Variants in ZNF569 observed in about 807,000 individuals in gnomAD.
ZNF569 encodes the protein zinc finger protein 569.
ZNF569 carries 38 observed loss-of-function variants against 56.3 expected under a neutral mutation model. The ratio of observed to expected loss-of-function variants is 0.68; its 90% CI spans 0.52 to 0.88. The LOEUF (loss-of-function observed/expected upper bound fraction) is 0.88, where lower values mean the gene tolerates loss of function less well. Ranked by LOEUF, ZNF569 falls within the 40% of genes least tolerant of loss-of-function variation. ZNF569 has a pLI of 0.00. For missense variants in ZNF569, 666 were observed against 809.2 expected (o/e 0.82, Z 2.15); for synonymous variants, 241 against 262.9 (o/e 0.92, Z 0.81).
intron 2 of ZNF569, among the ~76,000 whole-genome samples, chr19:37,464,155 C>CAA (rs1289290721): frequency 6.6e-6 from 1 of 152,054 alleles, no homozygotes; most frequent in Non-Finnish European, 1.5e-5. Flanking sequence ...CACACACACA[C>CAA]AAAATATATA....
intron 2 of ZNF569, among the ~76,000 whole-genome samples, chr19:37,456,840 C>A (rs535622197): frequency 2.0e-5 from 3 of 151,784 alleles, no homozygotes; most frequent in South Asian, 4.2e-4. Flanking sequence ...TGGTGGCAGG[C>A]GCCTGTAATC....
chr19:37,411,880 A>G lies in ZNF569; in HGVS notation c.*717T>C, dbSNP rs2040845862. 1 of 152,158 alleles carries G rather than the reference A, an allele frequency of 6.6e-6. No homozygotes were observed. The highest frequency in any genetic ancestry group is 2.1e-4 in the South Asian group (1 of 4,834). The allele number at this position is 152,158 out of a possible 1,614,324, so 9.4% of individuals were successfully genotyped here. A position where few individuals can be genotyped will look rare whatever the true frequency, so the allele number is the denominator to read the frequency against. The stretch of plus-strand genomic sequence containing the variant: ...GCTTGATTTATTCACTTGGTAATAC[A>G]TTGTTTAAATGACAGCAGCTTTAAA... On this transcript the variant is annotated 3_prime_UTR_variant, in exon 6 of 6. Coordinates refer to ENST00000316950, the MANE Select transcript of ZNF569 (RefSeq NM_152484.3).
Position 37,426,373 on chromosome 19 carries a change from T to TG in ZNF569, c.20dup (p.Val8SerfsTer35). Reference sequence around the variant, plus strand: ...CGATAGCCACATCTTTGAATGTTACTGTTCCCTGTAACAACACACTCCCAC... The same window carrying TG: ...CGATAGCCACATCTTTGAATGTTACTGGTTCCCTGTAACAACACACTCCCAC... On this transcript the variant is annotated frameshift_variant, in exon 4 of 6. Transcript: ENST00000316950. LOFTEE classifies it high-confidence loss of function. The TG allele has an allele frequency of 6.2e-7, 1 of 1,605,212 alleles. No individual in the cohort carries two copies. Among genetic ancestry groups the TG allele is most frequent in the Non-Finnish European group, 8.5e-7 (1 of 1,176,866 alleles).
At position 37,444,967 on chromosome 19, in the gene ZNF569, G is replaced by C; in HGVS notation, c.-43-3C>G. ...GGATGGGGCCTGCAGAAGTAGAGCT[G>C]GGGAAGAGAATAAAAGTCATTAAAA... On this transcript the variant is annotated splice_polypyrimidine_tract_variant and splice_region_variant and intron_variant, in intron 2 of 5. Coordinates refer to ENST00000316950, the MANE Select transcript of ZNF569 (RefSeq NM_152484.3). 1 of 1,599,370 alleles carries C rather than the reference G, an allele frequency of 6.3e-7. No individual in the cohort carries two copies. Among genetic ancestry groups the C allele is most frequent in the Non-Finnish European group, 8.5e-7 (1 of 1,174,506 alleles).
chr19:37,412,875 C>T lies in ZNF569; in HGVS notation c.1783G>A (p.Val595Met). The change falls in exon 6 of 6, where the codon GTG becomes ATG. Residue 595 changes from valine to methionine, a missense_variant. By Grantham distance (21) the Val-to-Met change is conservative. Transcript: ENST00000316950. ...KAFSQRTSLI[V>M]HMRGHTGEKP... is the part of the protein sequence containing the mutation. The stretch of plus-strand genomic sequence containing the variant: ...TCACCTGTATGGCCTCTCATGTGCA[C>T]AATAAGGGAAGTTCTTTGAGAGAAG... The T allele has an allele frequency of 6.2e-7, 1 of 1,613,494 alleles. No individual in the cohort carries two copies. Among genetic ancestry groups the T allele is most frequent in the Non-Finnish European group, 8.5e-7 (1 of 1,179,814 alleles).
chr19:37,453,842 T>C (rs2041632038), intron 2 of ZNF569, among the ~76,000 whole-genome samples: 1 of 152,226 alleles, frequency 6.6e-6, no homozygotes, highest in Non-Finnish European at 1.5e-5. Flanking sequence ...TATCTTAAAT[T>C]CCTGTTGGGT....
chr19:37,437,000 C>A (rs2041319509), intron 3 of ZNF569, among the ~76,000 whole-genome samples: 3 of 140,854 alleles, frequency 2.1e-5, no homozygotes. Flanking sequence ...ATACGAAAAC[C>A]AGACCAAGAC....
At chr19:37,450,074 TGG>T (rs2041567519) in intron 2 of ZNF569, among the ~76,000 whole-genome samples, 1 of 152,206 alleles carries the variant, frequency 6.6e-6, no homozygotes. Flanking sequence ...AGTATTTTGT[TGG>T]GGATTTTTGC....
At chr19:37,468,319 G>T (rs1244617859), upstream of ZNF569, among the ~76,000 whole-genome samples, 1 of 151,998 alleles carries the variant, frequency 6.6e-6, no homozygotes, top group Non-Finnish European at 1.5e-5. Context: ...GAACTCCTGA[G>T]CTCAAGCGAT....
At chr19:37,460,572 C>A (rs2041741848) in intron 2 of ZNF569, among the ~76,000 whole-genome samples, 1 of 151,514 alleles carries the variant, frequency 6.6e-6, no homozygotes, top group South Asian at 2.1e-4. Flanking sequence ...CTATAAGAAA[C>A]CCACTTTAAC....
chr19:37,437,790 T>C (rs1363142591), intron 3 of ZNF569, among the ~76,000 whole-genome samples: 4 of 151,948 alleles, frequency 2.6e-5, no homozygotes, highest in Non-Finnish European at 4.4e-5. Flanking sequence ...CAATGAAAAT[T>C]ATAAAGCACT....
intron 3 of ZNF569, among the ~76,000 whole-genome samples, chr19:37,437,298 A>G (rs1311654033): frequency 6.6e-6 from 1 of 152,186 alleles, no homozygotes; most frequent in Non-Finnish European, 1.5e-5. Flanking sequence ...CATGATAAAA[A>G]CCCTCAAAAA....
intron 2 of ZNF569, among the ~76,000 whole-genome samples, chr19:37,463,333 G>A (rs2041783320): frequency 6.6e-6 from 1 of 152,106 alleles, no homozygotes; most frequent in South Asian, 2.1e-4. Context: ...ATCACCTAGT[G>A]ACATCATAGC....
intron 4 of ZNF569, 139 bp downstream of exon 4, chr19:37,426,113 T>C: frequency 3.9e-6 from 5 of 1,280,996 alleles, no homozygotes; most frequent in South Asian, 2.8e-5. Flanking sequence ...AACTGCAGCA[T>C]GGACATTCAC....
intron 2 of ZNF569, among the ~76,000 whole-genome samples, chr19:37,460,847 G>A (rs2041746910): frequency 2.0e-5 from 3 of 151,734 alleles, no homozygotes; most frequent in Non-Finnish European, 4.4e-5. Context: ...GGCAAAACCT[G>A]TCTGAACCAG....
intron 2 of ZNF569, among the ~76,000 whole-genome samples, chr19:37,460,535 T>TAA (rs531574561): frequency 2.3e-4 from 33 of 141,996 alleles, no homozygotes; most frequent in Non-Finnish European, 4.6e-4. Context: ...AGAGTGCATT[T>TAA]AAAAAAAAAA....
At chr19:37,466,355 C>T (rs563445201) in intron 1 of ZNF569, among the ~76,000 whole-genome samples, 1 of 152,134 alleles carries the variant, frequency 6.6e-6, no homozygotes, top group Non-Finnish European at 1.5e-5. Flanking sequence ...TCCGGCCGGG[C>T]GCGGTGGCTT....
chr19:37,412,660 C>T lies in ZNF569; in HGVS notation c.1998G>A (p.Glu666=). ...ACTTTTGGCTGAAAGCCTTGCCACACTCAATACAGTGATAGGGCTTCTCAC... is the reference window on the plus strand; with the variant it reads ...ACTTTTGGCTGAAAGCCTTGCCACATTCAATACAGTGATAGGGCTTCTCAC... ...HTGEKPYHCI[E]CGKAFSQKSH... is the part of the protein sequence containing the mutation. Residue 666 remains glutamate (E), a synonymous_variant, in exon 6 of 6, where the codon GAG becomes GAA. Coordinates refer to ENST00000316950, the MANE Select transcript of ZNF569 (RefSeq NM_152484.3). 2 of 1,613,492 alleles carry T rather than the reference C, an allele frequency of 1.2e-6. No homozygotes were observed. Among genetic ancestry groups the T allele is most frequent in the South Asian group, 2.2e-5 (2 of 90,962 alleles).
At chr19:37,427,444 A>C (rs759082071) in intron 3 of ZNF569, among the ~76,000 whole-genome samples, 1 of 152,252 alleles carries the variant, frequency 6.6e-6, no homozygotes, top group Non-Finnish European at 1.5e-5. Context: ...GTATATGAAC[A>C]TAAGAAAAAA....
Sources: gnomAD v4.1 joint callset for allele counts (sites outside exome capture counted in the v4.1 genomes callset) on GRCh38, gnomAD v4.1.1 for gene constraint, MANE v1.5 for transcripts, NCBI Gene and HGNC (gene_info 2026-07-23, HGNC 2026-07-21) for gene names.